The following CADM2 variants were observed in gnomAD, a reference collection of about 807,000 sequenced individuals.
The protein encoded by CADM2 is immunoglobulin superfamily member 4D.
In CADM2, 12 loss-of-function variants were observed where a neutral mutation model predicts 49.8. That is an observed-to-expected ratio of 0.24 (90% CI 0.15 to 0.39). The LOEUF (loss-of-function observed/expected upper bound fraction) is 0.39. Ranked by LOEUF, CADM2 falls within the 10% of genes least tolerant of loss-of-function variation. CADM2 has a pLI of 1.00. For missense variants in CADM2, 378 were observed against 492.3 expected, an observed-to-expected ratio of 0.77 and a Z score of 2.20; for synonymous variants, 214 against 175.4, an observed-to-expected ratio of 1.22 and a Z score of -1.74.
intron 1 of CADM2, among the ~76,000 whole-genome samples, chr3:85,116,885 A>G (rs545126111): frequency 5.3e-5 from 8 of 152,300 alleles, no homozygotes; most frequent in African/African-American, 1.9e-4. Context: ...TACTTTTAGT[A>G]GCAAATAGCT....
intron 1 of CADM2, among the ~76,000 whole-genome samples, chr3:85,502,481 TA>T (rs551280466): frequency 1.3e-3 from 197 of 150,556 alleles, no homozygotes; most frequent in African/African-American, 4.0e-3. Context: ...TATATATTGT[TA>T]AAAAAAAAGA....
chr3:85,206,909 G>T (rs1020978597), intron 1 of CADM2, among the ~76,000 whole-genome samples: 2 of 151,894 alleles, frequency 1.3e-5, no homozygotes, highest in Admixed American at 6.6e-5. Flanking sequence ...ATTGGAAATG[G>T]TTTGGAATTT....
chr3:86,027,934 A>G (rs1357563276), intron 8 of CADM2: 1 of 151,660 alleles, frequency 6.6e-6, no homozygotes, highest in African/African-American at 2.4e-5. Flanking sequence ...CTGTATTGTC[A>G]CATTACTTCA....
chr3:85,386,908 A>C (rs889310965), intron 1 of CADM2, among the ~76,000 whole-genome samples: 2 of 152,164 alleles, frequency 1.3e-5, no homozygotes, highest in Non-Finnish European at 2.9e-5. Context: ...GAATATTCTC[A>C]TAGGTGGAAT....
chr3:85,008,575 A>AAAAT (rs2033848746), intron 1 of CADM2, among the ~76,000 whole-genome samples: 1 of 152,102 alleles, frequency 6.6e-6, no homozygotes, highest in Admixed American at 6.6e-5. Flanking sequence ...AATATAGGGA[A>AAAAT]GTAGGAACGG....
chr3:85,707,575 C>A (rs76068045), intron 1 of CADM2, among the ~76,000 whole-genome samples: 2,155 of 151,968 alleles, frequency 0.014, 50 homozygotes, highest in African/African-American at 0.049. Flanking sequence ...AATCTATATT[C>A]CCAGAAAACA....
At chr3:85,728,057 C>T (rs2107787731) in intron 2 of CADM2, among the ~76,000 whole-genome samples, 1 of 152,214 alleles carries the variant, frequency 6.6e-6, no homozygotes, top group Middle Eastern at 3.4e-3. Flanking sequence ...TAATCAATTA[C>T]TCTCCAAAAC....
In CADM2 at chr3:85,530,321, CGTTTT is replaced by C. The variant is rs1559889689; in HGVS notation, c.62-196200_62-196196del. Reference sequence around the variant, plus strand: ...GTGAGTCAGTTAGACTTCTTTTCTCCGTTTTTTTTTTTTTTTTTTTTTTTTTTGAG... The same window carrying C: ...GTGAGTCAGTTAGACTTCTTTTCTCCTTTTTTTTTTTTTTTTTTTTTTGAG... On this transcript the variant is annotated intron_variant, in intron 1 of 9. Coordinates refer to ENST00000383699, the MANE Select transcript of CADM2 (RefSeq NM_001167675.2). Among the ~76,000 whole-genome samples the C allele has an allele frequency of 3.8e-4, 45 of 119,024 alleles. 8 individuals carry two copies. Among genetic ancestry groups the C allele is most frequent in the Admixed American group, 6.9e-4 (8 of 11,546 alleles). The allele number at this position is 119,024 out of a possible 152,430, so 78.1% of individuals were successfully genotyped here.
At position 85,795,631 on chromosome 3, in the gene CADM2, A is replaced by G. The variant is rs184032389; in HGVS notation, c.89-6416A>G. Among the ~76,000 whole-genome samples, 142 of 152,322 alleles carry G rather than the reference A, an allele frequency of 9.3e-4. 1 individual carries two copies. The highest frequency in any genetic ancestry group is 3.2e-3 in the African/African-American group (134 of 41,582). On this transcript the variant is annotated intron_variant, in intron 2 of 9. Transcript: ENST00000383699. The stretch of plus-strand genomic sequence containing the variant: ...TGGCATGTAGAGGACTCTAACAAAC[A>G]TTAGTTTCTTTCTTCTATGGTCCAG...
intron 1 of CADM2, among the ~76,000 whole-genome samples, chr3:85,446,604 G>GT (rs5850688): frequency 0.48 from 63,967 of 131,916 alleles, 18,015 homozygotes; most frequent in East Asian, 0.76. Flanking sequence ...TTTGTTTTTT[G>GT]TTTTTTTTTT....
At chr3:85,197,586 A>G (rs1174536150) in intron 1 of CADM2, among the ~76,000 whole-genome samples, 1 of 151,926 alleles carries the variant, frequency 6.6e-6, no homozygotes, top group East Asian at 1.9e-4. Flanking sequence ...TCCAAACTAG[A>G]TGTTTAACTC....
At chr3:85,776,493 C>T (rs2107974809) in intron 2 of CADM2, among the ~76,000 whole-genome samples, 1 of 152,042 alleles carries the variant, frequency 6.6e-6, no homozygotes, top group South Asian at 2.1e-4. Context: ...GGCATAGGAA[C>T]TTAATAACTT....
At chr3:85,608,228 A>G (rs1333841217) in intron 1 of CADM2, among the ~76,000 whole-genome samples, 3 of 152,182 alleles carry the variant, frequency 2.0e-5, no homozygotes, top group Admixed American at 1.3e-4. Flanking sequence ...ATCTTTAAAT[A>G]CATATACACT....
intron 1 of CADM2, among the ~76,000 whole-genome samples, chr3:85,356,957 T>C (rs1391355055): frequency 6.6e-6 from 1 of 152,162 alleles, no homozygotes. Flanking sequence ...CACTCACTGC[T>C]GGGATATAGA....
intron 8 of CADM2, among the ~76,000 whole-genome samples, chr3:86,002,336 T>C (rs1730287101): frequency 6.6e-6 from 1 of 152,180 alleles, no homozygotes; most frequent in Non-Finnish European, 1.5e-5. Context: ...TTATTATTCT[T>C]TTGAGTTCCC....
intron 8 of CADM2, among the ~76,000 whole-genome samples, chr3:86,020,209 C>T (rs1468031776): frequency 2.0e-5 from 3 of 152,066 alleles, no homozygotes; most frequent in African/African-American, 7.2e-5. Flanking sequence ...CTACAAACAC[C>T]TCTAGGCAAA....
chr3:85,515,638 T>TA, intron 1 of CADM2, among the ~76,000 whole-genome samples: 1 of 146,582 alleles, frequency 6.8e-6, no homozygotes, highest in African/African-American at 2.5e-5. Context: ...TATATTTTTT[T>TA]TTTTTGTATC....
At chr3:85,909,354 C>T (rs1264215381) in intron 5 of CADM2, among the ~76,000 whole-genome samples, 1 of 150,852 alleles carries the variant, frequency 6.6e-6, no homozygotes, top group East Asian at 1.9e-4. Flanking sequence ...TTCATTAACA[C>T]ATTATGTAAT....
intron 8 of CADM2, among the ~76,000 whole-genome samples, chr3:86,024,403 C>T (rs1434553730): frequency 6.6e-6 from 1 of 152,156 alleles, no homozygotes; most frequent in African/African-American, 2.4e-5. Context: ...TTAGAATTTT[C>T]AAAGCGAGCA....
Sources: gnomAD v4.1 joint callset for allele counts (sites outside exome capture counted in the v4.1 genomes callset) on GRCh38, gnomAD v4.1.1 for gene constraint, MANE v1.5 for transcripts, NCBI Gene and HGNC (gene_info 2026-07-23, HGNC 2026-07-21) for gene names.